NARS2: variants seen among roughly 807,000 people sequenced by gnomAD.
NARS2 encodes asparaginyl-tRNA synthetase 2, mitochondrial, also known as asparaginyl-tRNA synthetase.
In NARS2, 60 loss-of-function variants were observed where a neutral mutation model predicts 62.9. That is an observed-to-expected ratio of 0.95 (90% CI 0.77 to 1.18). The LOEUF is 1.18. Ranked by LOEUF, NARS2 falls within the 50% of genes most tolerant of loss-of-function variation. The pLI, the probability that NARS2 is intolerant of heterozygous loss-of-function variation, is 0.00. For missense variants in NARS2, 619 were observed against 576.4 expected, an observed-to-expected ratio of 1.07 and a Z score of -0.76; for synonymous variants, 196 against 200.0, an observed-to-expected ratio of 0.98 and a Z score of 0.17.
intron 6 of NARS2, among the ~76,000 whole-genome samples, chr11:78,527,732 A>G (rs1041893106): frequency 2.6e-4 from 40 of 152,316 alleles, no homozygotes; most frequent in African/African-American, 9.1e-4. Context: ...AGATTTTTTT[A>G]AGTCCTAATC....
intron 9 of NARS2, among the ~76,000 whole-genome samples, chr11:78,471,239 T>C (rs1796446411): frequency 6.6e-6 from 1 of 152,174 alleles, no homozygotes; most frequent in Admixed American, 6.5e-5. Context: ...TCAATAACTT[T>C]CCAAAGGTTA....
At chr11:78,563,511 C>T (rs951876224) in intron 4 of NARS2, among the ~76,000 whole-genome samples, 3 of 151,680 alleles carry the variant, frequency 2.0e-5, no homozygotes, top group Non-Finnish European at 1.5e-5. Context: ...CCACAGCGCC[C>T]GGCCATGAAT....
At chr11:78,478,003 A>G (rs1175874998) in intron 9 of NARS2, among the ~76,000 whole-genome samples, 2 of 152,176 alleles carry the variant, frequency 1.3e-5, no homozygotes, top group Non-Finnish European at 2.9e-5. Context: ...CCAAATCATC[A>G]TTAACTCTCA....
chr11:78,493,674 CAA>C (rs891436051), intron 6 of NARS2, among the ~76,000 whole-genome samples: 2 of 102,752 alleles, frequency 1.9e-5, no homozygotes. Flanking sequence ...AACAAACAAA[CAA>C]AAAAAAAAAA....
intron 4 of NARS2, among the ~76,000 whole-genome samples, chr11:78,562,447 A>C (rs1175298944): frequency 1.3e-5 from 2 of 152,116 alleles, no homozygotes; most frequent in Non-Finnish European, 2.9e-5. Flanking sequence ...CAACAACAAA[A>C]ATACTTCACA....
In NARS2 at chr11:78,566,192, A is replaced by G. The variant is rs1467597245; in HGVS notation, c.453T>C (p.Val151=). 6.2e-7 allele frequency: 1 copy of G among 1,613,252 alleles called. No homozygotes were observed. The highest frequency in any genetic ancestry group is 1.3e-5 in the African/African-American group (1 of 74,904). Residue 151 remains valine (V), a synonymous_variant, in exon 4 of 14, where the codon GTT becomes GTC. Coordinates refer to ENST00000281038, the MANE Select transcript of NARS2 (RefSeq NM_024678.6). Reference sequence around the variant, plus strand: ...TGCGAATCCTCAATATAGAACCCAGAACGTTAGTCCTACACCTAAAGTGAG... The same window carrying G: ...TGCGAATCCTCAATATAGAACCCAGGACGTTAGTCCTACACCTAAAGTGAG... The part of the protein sequence containing the change: ...QYPHFRCRTN[V]LGSILRIRSE...
chr11:78,503,837 A>G (rs188850796), intron 6 of NARS2, among the ~76,000 whole-genome samples: 12 of 152,224 alleles, frequency 7.9e-5, no homozygotes, highest in South Asian at 4.1e-4. Context: ...GAGGAGTAAG[A>G]AGGAGGAGGA....
At chr11:78,563,883 C>CACAG (rs1453360896) in intron 4 of NARS2, among the ~76,000 whole-genome samples, 10 of 93,138 alleles carry the variant, frequency 1.1e-4, no homozygotes, top group Non-Finnish European at 1.6e-4. Context: ...TACACACACA[C>CACAG]AGTATTATTA....
At chr11:78,449,292 T>C (rs993851531) in intron 11 of NARS2, among the ~76,000 whole-genome samples, 1 of 151,752 alleles carries the variant, frequency 6.6e-6, no homozygotes, top group East Asian at 1.9e-4. Flanking sequence ...CCTGCCACCA[T>C]GCCCGGCTAA....
At chr11:78,545,233 GAAAGA>G (rs914810452) in intron 5 of NARS2, among the ~76,000 whole-genome samples, 2 of 151,958 alleles carry the variant, frequency 1.3e-5, no homozygotes, top group Non-Finnish European at 2.9e-5. Flanking sequence ...CTATATTTGG[GAAAGA>G]AAAGGAGTTA....
At chr11:78,463,087 A>G (rs1858458525) in intron 11 of NARS2, among the ~76,000 whole-genome samples, 1 of 152,140 alleles carries the variant, frequency 6.6e-6, no homozygotes, top group Non-Finnish European at 1.5e-5. Context: ...TTTTTCACAT[A>G]GGGGGCTCCC....
intron 7 of NARS2, among the ~76,000 whole-genome samples, chr11:78,491,761 C>T (rs114845231): frequency 0.014 from 2,171 of 152,248 alleles, 48 homozygotes; most frequent in African/African-American, 0.049. Context: ...TCCCTAATAA[C>T]GCCCCTGCCC....
At chr11:78,468,635 A>C (rs1383717312) in intron 10 of NARS2, among the ~76,000 whole-genome samples, 1 of 151,758 alleles carries the variant, frequency 6.6e-6, no homozygotes, top group East Asian at 1.9e-4. Flanking sequence ...CGATCTCCTG[A>C]CCTTGTGATC....
At chr11:78,567,333 C>G (rs1323266416) in intron 3 of NARS2, among the ~76,000 whole-genome samples, 1 of 152,154 alleles carries the variant, frequency 6.6e-6, no homozygotes, top group African/African-American at 2.4e-5. Context: ...AAGGATGATT[C>G]ACATTCTAGG....
At chr11:78,490,250 C>G (rs1859759746) in intron 7 of NARS2, among the ~76,000 whole-genome samples, 1 of 152,174 alleles carries the variant, frequency 6.6e-6, no homozygotes, top group Non-Finnish European at 1.5e-5. Context: ...CCCACCCCAT[C>G]TAAAGCCACT....
At chr11:78,470,242 T>G (rs759499286) in intron 9 of NARS2, among the ~76,000 whole-genome samples, 2 of 152,206 alleles carry the variant, frequency 1.3e-5, no homozygotes, top group Non-Finnish European at 2.9e-5. Context: ...GACACCCTCA[T>G]GCCTAAAGTA....
At chr11:78,508,593 AAAAAAAC>A (rs1860594301) in intron 6 of NARS2, among the ~76,000 whole-genome samples, 3 of 149,764 alleles carry the variant, frequency 2.0e-5, no homozygotes, top group South Asian at 2.1e-4. Flanking sequence ...ATCTCAAAAA[AAAAAAAC>A]AAAAAACAAA....
At chr11:78,563,883 C>CAA (rs1453360896) in intron 4 of NARS2, among the ~76,000 whole-genome samples, 1 of 93,138 alleles carries the variant, frequency 1.1e-5, no homozygotes, top group African/African-American at 5.1e-5. Context: ...TACACACACA[C>CAA]AGTATTATTA....
At chr11:78,504,421 T>C (rs1860405027) in intron 6 of NARS2, among the ~76,000 whole-genome samples, 1 of 141,634 alleles carries the variant, frequency 7.1e-6, no homozygotes, top group Non-Finnish European at 1.5e-5. Context: ...CTGTTTCATG[T>C]GGCAAAACAC....
Sources: gnomAD v4.1 joint callset for allele counts (sites outside exome capture counted in the v4.1 genomes callset) on GRCh38, gnomAD v4.1.1 for gene constraint, MANE v1.5 for transcripts, NCBI Gene and HGNC (gene_info 2026-07-23, HGNC 2026-07-21) for gene names.